Variants in GRM5 observed in about 807,000 individuals in gnomAD.
GRM5 encodes metabotropic glutamate receptor 5.
A neutral mutation model predicts 83.1 loss-of-function variants in GRM5; 19 were observed. The ratio of observed to expected loss-of-function variants is 0.23; its 90% CI spans 0.16 to 0.34. The LOEUF (loss-of-function observed/expected upper bound fraction) is 0.34, where lower values mean the gene tolerates loss of function less well. Among genes scored for constraint, GRM5 ranks in the 10% least tolerant of loss-of-function variants. GRM5 has a pLI of 1.00. For synonymous variants in GRM5, 675 were observed against 633.6 expected (o/e 1.07, Z -0.98); for missense variants, 1,160 against 1,588.3 (o/e 0.73, Z 4.58).
intron 4 of GRM5, among the ~76,000 whole-genome samples, chr11:88,636,530 A>AAAAAGAGTTTC (rs1437218316): frequency 1.7e-4 from 26 of 152,174 alleles, no homozygotes; most frequent in African/African-American, 6.0e-4. Context: ...TCTCAAAAAA[A>AAAAAGAGTTTC]AAAAGAGTTT....
chr11:89,033,762 TA>T (rs916559203), intron 2 of GRM5, among the ~76,000 whole-genome samples: 2 of 151,596 alleles, frequency 1.3e-5, no homozygotes, highest in Non-Finnish European at 3.0e-5. Context: ...CAGTCTCCTT[TA>T]AAAAAAGGTA....
At chr11:88,544,604 T>C (rs1179724830) in intron 8 of GRM5, among the ~76,000 whole-genome samples, 1 of 152,192 alleles carries the variant, frequency 6.6e-6, no homozygotes, top group Non-Finnish European at 1.5e-5. Flanking sequence ...CAGGGCCCAG[T>C]TGGATCTGCA....
intron 2 of GRM5, among the ~76,000 whole-genome samples, chr11:89,016,685 G>A (rs1303249263): frequency 2.0e-5 from 3 of 152,104 alleles, no homozygotes; most frequent in Admixed American, 1.3e-4. Flanking sequence ...TGATGTGGCT[G>A]TTTCTACACA....
intron 3 of GRM5, among the ~76,000 whole-genome samples, chr11:88,772,638 C>T (rs1942763371): frequency 6.6e-6 from 1 of 151,914 alleles, no homozygotes; most frequent in Non-Finnish European, 1.5e-5. Context: ...TGTGATGTTC[C>T]CCGCGCTGTG....
intron 2 of GRM5, among the ~76,000 whole-genome samples, chr11:88,908,871 T>C (rs1331724186): frequency 1.1e-4 from 17 of 152,162 alleles, no homozygotes; most frequent in Non-Finnish European, 2.2e-4. Flanking sequence ...AGTTTACCTA[T>C]ATGCATATGG....
At chr11:88,586,925 T>A (rs1350435962) in intron 7 of GRM5, among the ~76,000 whole-genome samples, 2 of 152,142 alleles carry the variant, frequency 1.3e-5, no homozygotes, top group African/African-American at 4.8e-5. Context: ...TCCAAACTCG[T>A]TAAAGGCTTT....
At chr11:88,662,143 G>T (rs1939923495) in intron 3 of GRM5, among the ~76,000 whole-genome samples, 1 of 152,154 alleles carries the variant, frequency 6.6e-6, no homozygotes, top group South Asian at 2.1e-4. Context: ...CTAAAGTTCT[G>T]CAGGCCTTAG....
intron 2 of GRM5, among the ~76,000 whole-genome samples, chr11:89,025,191 C>T (rs1941100364): frequency 6.6e-6 from 1 of 152,160 alleles, no homozygotes; most frequent in South Asian, 2.1e-4. Context: ...GAGAAAACCT[C>T]CATTTGTGTC....
chr11:88,650,988 G>T (rs531262395), intron 4 of GRM5, among the ~76,000 whole-genome samples: 16 of 152,054 alleles, frequency 1.1e-4, no homozygotes, highest in Admixed American at 7.2e-4. Context: ...TGTACCAAAT[G>T]ACATCTGTTG....
At chr11:88,646,788 C>A (rs1939466356) in intron 4 of GRM5, among the ~76,000 whole-genome samples, 1 of 151,480 alleles carries the variant, frequency 6.6e-6, no homozygotes, top group Admixed American at 6.6e-5. Context: ...AGGGTGTCAT[C>A]AGCTTCTTTT....
chr11:88,692,987 A>G (rs1940814984), intron 3 of GRM5, among the ~76,000 whole-genome samples: 1 of 152,172 alleles, frequency 6.6e-6, no homozygotes, highest in Admixed American at 6.5e-5. Context: ...CTGTGCCTGA[A>G]TCACTGCACT....
intron 2 of GRM5, among the ~76,000 whole-genome samples, chr11:88,908,170 T>C (rs1002445244): frequency 6.6e-6 from 1 of 152,148 alleles, no homozygotes; most frequent in Non-Finnish European, 1.5e-5. Context: ...TTTCCATATT[T>C]GAGAAAATTA....
chr11:88,805,436 C>T lies in GRM5; in HGVS notation c.911+44470G>A, dbSNP rs189465192. Reference sequence around the variant, plus strand: ...CAATCTCTTGACCTTGTGATCCACCCGCCTTGGCCTCCCAAACTGCTGGGA... The same window carrying T: ...CAATCTCTTGACCTTGTGATCCACCTGCCTTGGCCTCCCAAACTGCTGGGA... On this transcript the variant is annotated intron_variant, in intron 3 of 9. Coordinates refer to ENST00000305447, the MANE Select transcript of GRM5 (RefSeq NM_001143831.3). Among the ~76,000 whole-genome samples the T allele has an allele frequency of 7.5e-3, 1,140 of 152,168 alleles. 16 individuals are homozygous for T. Among genetic ancestry groups the T allele is most frequent in the African/African-American group, 0.025 (1,057 of 41,492 alleles).
rs576203357 is a variant in GRM5, at chr11:88,508,825, C to A, written c.3406G>T (p.Ala1136Ser). The change falls in exon 10 of 10, where the codon GCT (alanine) becomes TCT (serine). Residue 1136 changes from alanine to serine, a missense_variant. Ala to Ser is a moderately conservative substitution (Grantham distance 99, BLOSUM62 1). This residue lies in a region of GRM5 where 562 missense variants were observed against 532.4 expected (regional missense o/e 1.06). Coordinates refer to ENST00000305447, the MANE Select transcript of GRM5 (RefSeq NM_001143831.3). The surrounding 1 kb of genome is among the most constrained non-coding windows in gnomAD (Gnocchi z 4.2). ...GGGCTCTCCCGGGCCGCGTCCCCAGCCGCCTGCGCCCCTGCCGCGGGCTGC... is the reference window on the plus strand; with the variant it reads ...GGGCTCTCCCGGGCCGCGTCCCCAGACGCCTGCGCCCCTGCCGCGGGCTGC... ...GAQPAAGAQA[A>S]GDAARESPAA... 89 of 1,532,964 alleles carry A rather than the reference C, an allele frequency of 5.8e-5. No homozygotes were observed. The African/African-American group carries it at 1.0e-3, about 18-fold the overall frequency. The allele number at this position is 1,532,964 out of a possible 1,614,324, so 95.0% of individuals were successfully genotyped here. A position where few individuals can be genotyped will look rare whatever the true frequency, so the allele number is the denominator to read the frequency against.
chr11:88,984,404 A>G (rs1662657732), intron 2 of GRM5, among the ~76,000 whole-genome samples: 1 of 152,188 alleles, frequency 6.6e-6, no homozygotes, highest in African/African-American at 2.4e-5. Context: ...CGTAGGAGCA[A>G]TAGGCCATAC....
intron 9 of GRM5, among the ~76,000 whole-genome samples, chr11:88,517,217 G>T (rs1315313110): frequency 2.6e-5 from 4 of 151,810 alleles, no homozygotes; most frequent in Non-Finnish European, 4.4e-5. Flanking sequence ...CTGTGCATAT[G>T]TGTTGTCATA....
chr11:88,782,499 C>T (rs1269707908), intron 3 of GRM5, among the ~76,000 whole-genome samples: 4 of 152,132 alleles, frequency 2.6e-5, no homozygotes, highest in East Asian at 3.9e-4. Flanking sequence ...TCACCTCCCA[C>T]GGGGTCCCTT....
At chr11:88,811,633 G>A (rs1281635319) in intron 3 of GRM5, among the ~76,000 whole-genome samples, 1 of 152,106 alleles carries the variant, frequency 6.6e-6, no homozygotes, top group African/African-American at 2.4e-5. Context: ...AAATTAGGGA[G>A]AACGGTCTCT....
rs201194151 is a variant in GRM5, at chr11:88,604,704, T to C, written c.1394+14A>G. On this transcript the variant is annotated intron_variant, in intron 5 of 9. Transcript: ENST00000305447. ...TCAGTCTCTACTCTGCAGAGGAGAA[T>C]TGTAACACAATACCTTCCTGGAGAG... The C allele has an allele frequency of 1.0e-4, 168 of 1,603,290 alleles. 3 individuals are homozygous for C. In the Middle Eastern group the frequency reaches 8.0e-3, roughly 76 times the overall value.
Sources: gnomAD v4.1 joint callset for allele counts (sites outside exome capture counted in the v4.1 genomes callset) on GRCh38, gnomAD v4.1.1 for gene constraint, gnomAD v4.1.1 regional missense constraint, Gnocchi (gnomAD v3.1) non-coding constraint, MANE v1.5 for transcripts, NCBI Gene and HGNC (gene_info 2026-07-23, HGNC 2026-07-21) for gene names.